The following FCER1A variants were observed in gnomAD, a reference collection of about 807,000 sequenced individuals.
FCER1A encodes the protein high affinity immunoglobulin epsilon receptor subunit alpha.
Under a neutral mutation model 23.6 loss-of-function variants are expected in FCER1A, and 24 were observed. The ratio of observed to expected loss-of-function variants is 1.02; its 90% confidence interval spans 0.74 to 1.43. The LOEUF (loss-of-function observed/expected upper bound fraction) is 1.43, where lower values mean the gene tolerates loss of function less well. Among genes scored for constraint, FCER1A ranks in the 40% most tolerant of loss-of-function variants. The pLI is 0.00. For synonymous variants in FCER1A, 121 were observed against 108.8 expected (o/e 1.11, Z -0.70); for missense variants, 318 against 294.5 (o/e 1.08, Z -0.58).
chr1:159,284,814 T>A (rs1187876322), upstream of FCER1A, among the ~76,000 whole-genome samples: 1 of 152,186 alleles, frequency 6.6e-6, no homozygotes, highest in Non-Finnish European at 1.5e-5. Context: ...CTTCCTTATA[T>A]CCAGTTTACT....
upstream of FCER1A, among the ~76,000 whole-genome samples, chr1:159,286,191 AAAAT>A (rs541712574): frequency 1.3e-5 from 2 of 151,380 alleles, no homozygotes; most frequent in Non-Finnish European, 2.9e-5. Context: ...CCCTGCCACC[AAAAT>A]AAATAAATAA....
upstream of FCER1A, among the ~76,000 whole-genome samples, chr1:159,286,309 A>G (rs1338048028): frequency 6.6e-6 from 1 of 152,064 alleles, no homozygotes; most frequent in African/African-American, 2.4e-5. Context: ...AACCTTTATC[A>G]TTTAATTTAT....
intron 1 of FCER1A, among the ~76,000 whole-genome samples, chr1:159,293,168 C>CTGTGTGTGTGTGTGTGTG (rs10632832): frequency 6.9e-6 from 1 of 145,814 alleles, no homozygotes; most frequent in Non-Finnish European, 1.5e-5. Context: ...TACATACACA[C>CTGTGTGTGTGTGTGTGTG]TGTGTGTGTG....
upstream of FCER1A, among the ~76,000 whole-genome samples, chr1:159,289,026 T>C (rs1308389511): frequency 6.6e-6 from 1 of 152,188 alleles, no homozygotes; most frequent in East Asian, 1.9e-4. Flanking sequence ...TAAAAACTCA[T>C]TAGGAAACTA....
chr1:159,303,640 A>C (rs977638627), intron 2 of FCER1A, among the ~76,000 whole-genome samples: 14 of 152,236 alleles, frequency 9.2e-5, no homozygotes, highest in African/African-American at 3.4e-4. Flanking sequence ...AATTGAAATT[A>C]ACAGAAGTAG....
chr1:159,292,481 A>T (rs955605047), intron 1 of FCER1A, among the ~76,000 whole-genome samples: 11 of 152,188 alleles, frequency 7.2e-5, no homozygotes, highest in African/African-American at 2.6e-4. Flanking sequence ...AAGTCCCATT[A>T]ATATATATAC....
At position 159,306,247 on chromosome 1, in the gene FCER1A, T is replaced by A; in HGVS notation, c.589+2T>A. On this transcript the variant is annotated splice_donor_variant, in intron 4 of 4. Coordinates refer to ENST00000693622, the MANE Select transcript of FCER1A (RefSeq NM_001387280.1). LOFTEE classifies it high-confidence loss of function. The stretch of plus-strand genomic sequence containing the variant: ...CCCTCAACATTACTGTAATAAAAGG[T>A]GAGTTGGTAAAGGAAAGGAAAAGCA... 2 of 1,611,690 alleles carry A rather than the reference T, an allele frequency of 1.2e-6. No homozygotes were observed. The highest frequency in any genetic ancestry group is 2.2e-5 in the South Asian group (2 of 90,916).
intron 1 of FCER1A, among the ~76,000 whole-genome samples, chr1:159,291,296 C>T (rs768409552): frequency 1.3e-5 from 2 of 152,126 alleles, no homozygotes; most frequent in Non-Finnish European, 2.9e-5. Flanking sequence ...TGAAAGTGAT[C>T]AAGTCCTAGA....
chr1:159,303,629 G>A (rs1652504153), intron 2 of FCER1A, among the ~76,000 whole-genome samples: 1 of 152,184 alleles, frequency 6.6e-6, no homozygotes, highest in Non-Finnish European at 1.5e-5. Flanking sequence ...TACAGATACT[G>A]AATTGAAATT....
upstream of FCER1A, among the ~76,000 whole-genome samples, chr1:159,285,197 C>T (rs1651985228): frequency 6.6e-6 from 1 of 152,194 alleles, no homozygotes; most frequent in Non-Finnish European, 1.5e-5. Context: ...GAATCCTTCT[C>T]TCTTTTCCCA....
chr1:159,283,687 A>G, the FCER1A span, among the ~76,000 whole-genome samples: 1 of 143,248 alleles, frequency 7.0e-6, no homozygotes, highest in Non-Finnish European at 1.5e-5. Flanking sequence ...TCTCTCTAAT[A>G]TCAAAGAGAG....
chr1:159,304,309 A>C, intron 3 of FCER1A, 127 bp downstream of exon 3: 1 of 894,946 alleles, frequency 1.1e-6, no homozygotes, highest in Non-Finnish European at 1.7e-6. Flanking sequence ...CATTTTTAAG[A>C]CCCCTGCATT....
intron 2 of FCER1A, 26 bp from the exon 3 acceptor site, chr1:159,303,902 C>A (rs1652517104): frequency 1.9e-6 from 3 of 1,590,286 alleles, no homozygotes; most frequent in South Asian, 2.3e-5. Flanking sequence ...CTCTACATGT[C>A]TTTTCATATT....
the FCER1A span, among the ~76,000 whole-genome samples, chr1:159,284,250 T>A: frequency 5.9e-5 from 9 of 152,146 alleles, no homozygotes; most frequent in Non-Finnish European, 8.8e-5. Flanking sequence ...GCCCTACTTT[T>A]CCATTTAGGG....
chr1:159,302,965 T>C, intron 2 of FCER1A, 91 bp downstream of exon 2: 1 of 1,225,872 alleles, frequency 8.2e-7, no homozygotes, highest in Non-Finnish European at 1.2e-6. Flanking sequence ...ACTTCTGCTT[T>C]CTAATGAGCA....
At chr1:159,298,081 T>G (rs1362064368), upstream of FCER1A, among the ~76,000 whole-genome samples, 1 of 152,180 alleles carries the variant, frequency 6.6e-6, no homozygotes, top group Non-Finnish European at 1.5e-5. Context: ...GTAGAGGTCA[T>G]GATCAATTTG....
At chr1:159,301,432 T>A (rs1418472405), upstream of FCER1A, among the ~76,000 whole-genome samples, 1 of 152,044 alleles carries the variant, frequency 6.6e-6, no homozygotes, top group Non-Finnish European at 1.5e-5. Context: ...GAAAGGGAGA[T>A]CATGTTGGGA....
At chr1:159,304,525 T>A (rs1167794515) in intron 3 of FCER1A, among the ~76,000 whole-genome samples, 1 of 152,128 alleles carries the variant, frequency 6.6e-6, no homozygotes, top group Non-Finnish European at 1.5e-5. Flanking sequence ...GAGAATGGTG[T>A]GAACCCAGGA....
intron 1 of FCER1A, among the ~76,000 whole-genome samples, chr1:159,293,962 G>T (rs1421566034): frequency 2.0e-5 from 3 of 151,780 alleles, no homozygotes; most frequent in East Asian, 1.9e-4. Flanking sequence ...AAAAACACAT[G>T]AAAAAATGCT....
Sources: allele counts gnomAD v4.1 joint callset (sites outside exome capture counted in the v4.1 genomes callset), GRCh38; gene constraint gnomAD v4.1.1; transcripts MANE v1.5; gene names NCBI Gene and HGNC (gene_info 2026-07-23, HGNC 2026-07-21).